HOOK3: variants seen among roughly 807,000 people sequenced by gnomAD.
HOOK3 encodes the protein protein Hook homolog 3.
HOOK3 carries 24 observed loss-of-function variants against 116.3 expected under a neutral mutation model. The observed-to-expected ratio is 0.21, with a 90% CI of 0.15 to 0.29. The LOEUF (loss-of-function observed/expected upper bound fraction) is 0.29. Ranked by LOEUF, HOOK3 falls within the 10% of genes least tolerant of loss-of-function variation. The probability of loss-of-function intolerance (pLI) is 1.00; values close to 1 mark genes in which losing one functional copy is unlikely to be tolerated. For missense variants in HOOK3, 632 were observed against 830.2 expected, an observed-to-expected ratio of 0.76 and a Z score of 2.93; for synonymous variants, 275 against 283.0, an observed-to-expected ratio of 0.97 and a Z score of 0.28.
At chr8:42,997,434 T>C (rs961523807) in intron 15 of HOOK3, 116 bp from the exon 16 acceptor site, 4 of 633,356 alleles carry the variant, frequency 6.3e-6, no homozygotes, top group Non-Finnish European at 1.1e-5. Context: ...ATACTACTAC[T>C]GCTATAACAT....
chr8:42,950,017 G>A (rs1254152381), intron 5 of HOOK3, among the ~76,000 whole-genome samples: 6 of 151,912 alleles, frequency 3.9e-5, no homozygotes, highest in African/African-American at 7.3e-5. Context: ...TAACTGCATA[G>A]CAAAGAGTAA....
intron 2 of HOOK3, among the ~76,000 whole-genome samples, chr8:42,909,596 T>A (rs377214446): frequency 1.4e-4 from 21 of 152,294 alleles, no homozygotes; most frequent in African/African-American, 4.8e-4. Flanking sequence ...CCCTTGTAGC[T>A]TCTGGGAGCA....
At chr8:42,930,052 ATTT>A in intron 3 of HOOK3, 67 bp from the exon 4 acceptor site, 1 of 1,423,136 alleles carries the variant, frequency 7.0e-7, no homozygotes, top group Non-Finnish European at 9.5e-7. Context: ...TGGCTCAGAA[ATTT>A]TTTATGTTAA....
At chr8:42,999,586 TGG>T (rs1258838117) in intron 16 of HOOK3, among the ~76,000 whole-genome samples, 1 of 152,220 alleles carries the variant, frequency 6.6e-6, no homozygotes, top group Admixed American at 6.5e-5. Flanking sequence ...CCAAAGGAAG[TGG>T]TCCCCTCTGG....
intron 4 of HOOK3, among the ~76,000 whole-genome samples, chr8:42,939,554 G>A (rs1389748291): frequency 3.4e-5 from 5 of 148,688 alleles, no homozygotes; most frequent in East Asian, 2.1e-4. Flanking sequence ...CGGACAGGGC[G>A]GCTGGCCGAG....
intron 4 of HOOK3, among the ~76,000 whole-genome samples, chr8:42,933,386 G>T (rs1807907242): frequency 6.6e-6 from 1 of 152,184 alleles, no homozygotes; most frequent in African/African-American, 2.4e-5. Context: ...TTTTGGAAAG[G>T]TAACATGATG....
chr8:42,926,582 G>T (rs180743655), intron 3 of HOOK3, among the ~76,000 whole-genome samples: 1 of 152,060 alleles, frequency 6.6e-6, no homozygotes, highest in Non-Finnish European at 1.5e-5. Flanking sequence ...CATCAAGCCC[G>T]GCCTATATTT....
intron 15 of HOOK3, 45 bp from the exon 16 acceptor site, chr8:42,997,505 T>G (rs747506779): frequency 8.3e-7 from 1 of 1,209,372 alleles, no homozygotes; most frequent in East Asian, 2.4e-5. Flanking sequence ...AAAAAAGGCA[T>G]ACGTAACTCA....
intron 17 of HOOK3, among the ~76,000 whole-genome samples, chr8:43,004,537 C>T (rs1223404757): frequency 6.7e-6 from 1 of 150,300 alleles, no homozygotes; most frequent in Non-Finnish European, 1.5e-5. Context: ...AAAAATTAGC[C>T]AGGCATGGTG....
chr8:43,009,929 A>G (rs76412953), intron 18 of HOOK3, among the ~76,000 whole-genome samples: 2,339 of 152,150 alleles, frequency 0.015, 32 homozygotes, highest in Non-Finnish European at 0.022. Flanking sequence ...GTCCTTTTGT[A>G]TCTGGTTTAT....
intron 17 of HOOK3, among the ~76,000 whole-genome samples, chr8:43,004,870 G>T (rs1271468108): frequency 6.6e-6 from 1 of 151,988 alleles, no homozygotes; most frequent in African/African-American, 2.4e-5. Context: ...TGACCTCTCA[G>T]TTCTACTATA....
intron 1 of HOOK3, among the ~76,000 whole-genome samples, chr8:42,903,920 C>T (rs1459610224): frequency 6.6e-5 from 10 of 151,974 alleles, no homozygotes; most frequent in Admixed American, 4.6e-4. Flanking sequence ...CGCGCCACTG[C>T]ACTCCAGCCT....
At chr8:42,993,585 A>G (rs932731484) in intron 15 of HOOK3, among the ~76,000 whole-genome samples, 6 of 152,132 alleles carry the variant, frequency 3.9e-5, no homozygotes, top group Admixed American at 3.9e-4. Context: ...GGATTGGTAT[A>G]AGTTCTTCTT....
chr8:43,008,050 T>C, intron 18 of HOOK3, 121 bp downstream of exon 18: 1 of 390,780 alleles, frequency 2.6e-6, no homozygotes, highest in Non-Finnish European at 4.4e-6. Context: ...AGATGAAGTC[T>C]CACTCTCACC....
intron 4 of HOOK3, among the ~76,000 whole-genome samples, chr8:42,938,217 C>CTTTTTTTTTTTTTTTTTT (rs145868661): frequency 2.3e-5 from 3 of 132,302 alleles, no homozygotes; most frequent in Non-Finnish European, 3.2e-5. Context: ...GCAACCCCTG[C>CTTTTTTTTTTTTTTTTTT]TTTTTTTTTT....
intron 21 of HOOK3, among the ~76,000 whole-genome samples, chr8:43,017,890 T>G (rs1809753398): frequency 6.6e-6 from 1 of 152,160 alleles, no homozygotes; most frequent in South Asian, 2.1e-4. Flanking sequence ...AAATCTGCCT[T>G]GAAGTGAAGA....
chr8:43,026,226 ACATT>A lies in HOOK3; in HGVS notation c.*7730_*7733del. On this transcript the variant is annotated 3_prime_UTR_variant, in exon 22 of 22. Transcript: ENST00000307602. ...CCCATGGGTAGTGATTACTCCGTGT[ACATT>A]CTATAGTGTGTGTATTTTATTTAGT... 5.0e-6 allele frequency: 1 copy of A among 201,960 alleles called. No homozygotes were observed. The highest frequency in any genetic ancestry group is 7.7e-5 in the East Asian group (1 of 12,972). The allele number at this position is 201,960 out of a possible 1,614,324, so 12.5% of individuals were successfully genotyped here. A position where few individuals can be genotyped will look rare whatever the true frequency, so the allele number is the denominator to read the frequency against.
Position 42,897,057 on chromosome 8 carries a change from G to C in HOOK3, c.-75G>C. 1 of 1,137,074 alleles carries C rather than the reference G, an allele frequency of 8.8e-7. No individual in the cohort carries two copies. The highest frequency in any genetic ancestry group is 1.1e-6 in the Non-Finnish European group (1 of 896,650). 70.4% of individuals were successfully genotyped at this position (1,137,074 alleles called of 1,614,324 possible). On this transcript the variant is annotated 5_prime_UTR_variant, in exon 1 of 22. Coordinates refer to ENST00000307602, the MANE Select transcript of HOOK3 (RefSeq NM_032410.4). ...GGCCTGAGGCCGAGTCAGCTGCGCG[G>C]GCCCCCGGATCCCCCGACAGAGCGG...
chr8:42,927,492 G>A (rs953025000), intron 3 of HOOK3, among the ~76,000 whole-genome samples: 1 of 152,112 alleles, frequency 6.6e-6, no homozygotes, highest in African/African-American at 2.4e-5. Flanking sequence ...CTAACCTCAG[G>A]TGATCTGCCC....
Sources: allele counts gnomAD v4.1 joint callset (sites outside exome capture counted in the v4.1 genomes callset), GRCh38; gene constraint gnomAD v4.1.1; transcripts MANE v1.5; gene names NCBI Gene and HGNC (gene_info 2026-07-23, HGNC 2026-07-21).